Variants in KHDRBS2 observed in about 807,000 individuals in gnomAD.
KHDRBS2 encodes KH RNA binding domain containing, signal transduction associated 2.
Under a neutral mutation model 44.3 loss-of-function variants are expected in KHDRBS2, and 26 were observed. The ratio of observed to expected loss-of-function variants is 0.59; its 90% CI spans 0.43 to 0.81. KHDRBS2 has a LOEUF of 0.81. Among genes scored for constraint, KHDRBS2 ranks in the 40% least tolerant of loss-of-function variants. The pLI is 0.00. For missense variants in KHDRBS2, 476 were observed against 433.1 expected (o/e 1.10, Z -0.88); for synonymous variants, 194 against 151.1 (o/e 1.28, Z -2.08).
At chr6:61,629,253 CA>C in the KHDRBS2 span, among the ~76,000 whole-genome samples, 4 of 152,106 alleles carry the variant, frequency 2.6e-5, no homozygotes, top group Non-Finnish European at 5.9e-5. Flanking sequence ...TAGAACCAAG[CA>C]AAATTGCACC....
intron 2 of KHDRBS2, among the ~76,000 whole-genome samples, chr6:62,082,069 T>C (rs1797507307): frequency 6.6e-6 from 1 of 152,034 alleles, no homozygotes; most frequent in Admixed American, 6.6e-5. Flanking sequence ...CCAATGGGAA[T>C]TGATAATTTA....
At chr6:62,141,144 C>T (rs895102876) in intron 2 of KHDRBS2, among the ~76,000 whole-genome samples, 2 of 152,006 alleles carry the variant, frequency 1.3e-5, no homozygotes, top group Non-Finnish European at 1.5e-5. Flanking sequence ...TAAGCATGAA[C>T]GTCAGAATAA....
chr6:61,930,191 A>G lies in KHDRBS2; in HGVS notation c.484-28820T>C, dbSNP rs550244135. Among the ~76,000 whole-genome samples the G allele has an allele frequency of 5.9e-5, 9 of 152,254 alleles. No individual in the cohort carries two copies. The East Asian group carries it at 1.7e-3, about 29-fold the overall frequency. On this transcript the variant is annotated intron_variant, in intron 4 of 8. Transcript: ENST00000281156. ...GGAAGCAGAGAGCTGACTCTACCAG[A>G]CAACAAACCTGCAGGCACCTTGATA...
intron 7 of KHDRBS2, among the ~76,000 whole-genome samples, chr6:61,706,976 C>G (rs1769689582): frequency 6.6e-6 from 1 of 151,194 alleles, no homozygotes; most frequent in Non-Finnish European, 1.5e-5. Flanking sequence ...GTTATAAGTG[C>G]TAAGGAGAAA....
At chr6:61,825,495 T>G (rs1790693461) in intron 6 of KHDRBS2, among the ~76,000 whole-genome samples, 1 of 152,214 alleles carries the variant, frequency 6.6e-6, no homozygotes, top group African/African-American at 2.4e-5. Flanking sequence ...AAATATTTTT[T>G]GTAGTTAGTT....
the KHDRBS2 span, among the ~76,000 whole-genome samples, chr6:61,592,311 T>C: frequency 2.0e-5 from 3 of 152,082 alleles, no homozygotes; most frequent in African/African-American, 7.2e-5. Flanking sequence ...AGATGGTTTA[T>C]CCTTTTATAT....
At chr6:61,782,689 GTATATATATATATATATATATATATA>G (rs70993182) in intron 6 of KHDRBS2, among the ~76,000 whole-genome samples, 5,239 of 111,130 alleles carry the variant, frequency 0.047, 507 homozygotes, top group African/African-American at 0.15. Flanking sequence ...TAAAGGTTGT[GTATATATATATATATATATATATATA>G]TATATATATA....
intron 4 of KHDRBS2, among the ~76,000 whole-genome samples, chr6:61,936,093 T>C (rs1810967002): frequency 6.6e-6 from 1 of 152,146 alleles, no homozygotes. Flanking sequence ...CTTTTCGCAA[T>C]GTGCCCTTTC....
At chr6:61,956,020 C>T (rs1382270838) in intron 4 of KHDRBS2, among the ~76,000 whole-genome samples, 1 of 151,960 alleles carries the variant, frequency 6.6e-6, no homozygotes, top group Non-Finnish European at 1.5e-5. Context: ...TGGTGAAACC[C>T]CATCTCTACT....
chr6:61,793,162 T>C (rs1459665841), intron 6 of KHDRBS2, among the ~76,000 whole-genome samples: 1 of 151,978 alleles, frequency 6.6e-6, no homozygotes, highest in Non-Finnish European at 1.5e-5. Context: ...AGCAATGTGC[T>C]ATTTAGCAAA....
At chr6:61,911,642 T>A (rs1033282057) in intron 4 of KHDRBS2, among the ~76,000 whole-genome samples, 3 of 152,134 alleles carry the variant, frequency 2.0e-5, no homozygotes, top group Admixed American at 2.0e-4. Flanking sequence ...CATTTTTGTT[T>A]TAGAAAGAAG....
the KHDRBS2 span, among the ~76,000 whole-genome samples, chr6:61,655,536 T>C: frequency 3.3e-5 from 5 of 152,266 alleles, no homozygotes; most frequent in East Asian, 5.8e-4. Context: ...ATTACAGGCA[T>C]GAGCCAATGT....
intron 8 of KHDRBS2, among the ~76,000 whole-genome samples, chr6:61,681,703 C>A (rs1261470454): frequency 1.3e-5 from 2 of 151,896 alleles, no homozygotes; most frequent in Non-Finnish European, 2.9e-5. Flanking sequence ...AGTATTAGTA[C>A]ACCAGGAAAA....
the KHDRBS2 span, among the ~76,000 whole-genome samples, chr6:61,590,656 T>C: frequency 6.6e-6 from 1 of 152,210 alleles, no homozygotes; most frequent in East Asian, 1.9e-4. Context: ...ATAGGACTTA[T>C]GTGAATTTAC....
At chr6:61,633,271 T>A in the KHDRBS2 span, among the ~76,000 whole-genome samples, 1 of 152,044 alleles carries the variant, frequency 6.6e-6, no homozygotes, top group South Asian at 2.1e-4. Flanking sequence ...TCTCGAAATA[T>A]GAAATGTGGA....
At chr6:61,798,048 T>C (rs1185913995) in intron 6 of KHDRBS2, among the ~76,000 whole-genome samples, 4 of 151,994 alleles carry the variant, frequency 2.6e-5, no homozygotes, top group Non-Finnish European at 4.4e-5. Context: ...AGCCTGGATA[T>C]CTATTGTTAC....
intron 3 of KHDRBS2, among the ~76,000 whole-genome samples, chr6:61,997,461 C>T (rs186932717): frequency 2.6e-5 from 4 of 152,244 alleles, no homozygotes; most frequent in Admixed American, 2.6e-4. Flanking sequence ...ATTGAAATAA[C>T]TAAATGCAAC....
intron 2 of KHDRBS2, among the ~76,000 whole-genome samples, chr6:62,074,578 C>T (rs76260601): frequency 0.037 from 5,550 of 151,914 alleles, 175 homozygotes; most frequent in South Asian, 0.17. Flanking sequence ...CATATTTATA[C>T]TAACTTTTAT....
At chr6:62,007,039 G>A (rs1489691693) in intron 3 of KHDRBS2, among the ~76,000 whole-genome samples, 1 of 152,010 alleles carries the variant, frequency 6.6e-6, no homozygotes, top group Non-Finnish European at 1.5e-5. Flanking sequence ...ACATCTACAT[G>A]TAAGACAAAC....
Sources: allele counts gnomAD v4.1 joint callset (sites outside exome capture counted in the v4.1 genomes callset), GRCh38; gene constraint gnomAD v4.1.1; transcripts MANE v1.5; gene names NCBI Gene and HGNC (gene_info 2026-07-23, HGNC 2026-07-21).